HYDIN: variants seen among roughly 807,000 people sequenced by gnomAD.
HYDIN encodes the protein axonemal central pair apparatus protein HYDIN.
Under a neutral mutation model 403.9 loss-of-function variants are expected in HYDIN, and 132 were observed. The observed-to-expected ratio is 0.33, with a 90% CI of 0.28 to 0.38. The LOEUF is 0.38. HYDIN is among the 10% of genes least tolerant of loss of function. HYDIN has a pLI of 1.00. For synonymous variants in HYDIN, 1,202 were observed against 1,891.7 expected, an observed-to-expected ratio of 0.64 and a Z score of 9.46; for missense variants, 2,827 against 5,009.5, an observed-to-expected ratio of 0.56 and a Z score of 13.15.
chr16:70,944,327 G>A (rs1336938058), intron 41 of HYDIN, among the ~76,000 whole-genome samples: 26 of 152,224 alleles, frequency 1.7e-4, no homozygotes, highest in Admixed American at 1.7e-3. Flanking sequence ...AGAGAGAAAA[G>A]GCCACCTTCC....
chr16:71,093,964 C>T, intron 10 of HYDIN, 29 bp from the exon 11 acceptor site: 1 of 1,609,700 alleles, frequency 6.2e-7, no homozygotes. Flanking sequence ...CTTTATCATC[C>T]AAATGGTGCT....
At chr16:71,215,301 GGGA>G (rs2088823160) in intron 1 of HYDIN, among the ~76,000 whole-genome samples, 1 of 151,916 alleles carries the variant, frequency 6.6e-6, no homozygotes, top group Non-Finnish European at 1.5e-5. Flanking sequence ...GAAAGAGGAA[GGGA>G]GGAGAATTCA....
In HYDIN at chr16:70,862,152, A is replaced by G. The variant is rs1319549707; in HGVS notation, c.11673T>C (p.Ser3891=). The change falls in exon 69 of 86, where the codon TCT becomes TCC. Residue 3891 remains serine (S), a synonymous_variant. Transcript: ENST00000393567. ...GCACGATTCCCGAAGAGGGCTCCAC[A>G]GAGAAGGGCTGTGGGGAACCCTCGG... The part of the protein sequence containing the change: ...HWAEGSPQPF[S]VEPSSGIVPV... 1.2e-6 allele frequency: 2 copies of G among 1,612,522 alleles called. No homozygotes were observed. The highest frequency in any genetic ancestry group is 2.7e-5 in the African/African-American group (2 of 74,928).
intron 9 of HYDIN, among the ~76,000 whole-genome samples, chr16:71,119,847 T>C (rs1412290285): frequency 1.3e-5 from 2 of 150,998 alleles, no homozygotes; most frequent in Non-Finnish European, 2.9e-5. Context: ...GCCTCAACTT[T>C]AGACCCCACT....
intron 18 of HYDIN, among the ~76,000 whole-genome samples, chr16:71,042,469 T>A (rs2081314999): frequency 6.6e-6 from 1 of 152,176 alleles, no homozygotes; most frequent in African/African-American, 2.4e-5. Context: ...TCTCTCTCTC[T>A]CTCTCTCTTT....
intron 23 of HYDIN, among the ~76,000 whole-genome samples, chr16:71,001,914 T>C (rs747403812): frequency 6.6e-6 from 1 of 152,262 alleles, no homozygotes; most frequent in Admixed American, 6.5e-5. Context: ...TATGTAATGG[T>C]GTCTAGTTGT....
At chr16:70,839,937 C>T in intron 76 of HYDIN, 127 bp downstream of exon 76, 1 of 608,316 alleles carries the variant, frequency 1.6e-6, no homozygotes, top group South Asian at 2.0e-5. Flanking sequence ...TTCATACCCA[C>T]TTTTGTTTGA....
At chr16:70,906,891 C>G (rs1200823687) in intron 50 of HYDIN, among the ~76,000 whole-genome samples, 1 of 152,228 alleles carries the variant, frequency 6.6e-6, no homozygotes, top group Non-Finnish European at 1.5e-5. Context: ...AGCGCTAGCT[C>G]TCTTTCTCAT....
Position 71,093,812 on chromosome 16 carries a change from C to T in HYDIN, c.1446+5G>A. 1 of 1,612,502 alleles carries T rather than the reference C, an allele frequency of 6.2e-7. No individual in the cohort carries two copies. Among genetic ancestry groups the T allele is most frequent in the Non-Finnish European group, 8.5e-7 (1 of 1,179,146 alleles). On this transcript the variant is annotated splice_donor_5th_base_variant and intron_variant, in intron 11 of 85. Transcript: ENST00000393567. ...GAAGTATCAACGAACAACTCTAGTG[C>T]TTACCTCATAACAATGTGCAGATCC... is the stretch of plus-strand genomic sequence containing the variant.
chr16:71,168,790 C>A (rs1472884763), intron 5 of HYDIN, among the ~76,000 whole-genome samples: 1 of 152,152 alleles, frequency 6.6e-6, no homozygotes, highest in African/African-American at 2.4e-5. Context: ...GAGTCCTACT[C>A]ACATCTCATT....
At chr16:70,979,968 A>T (rs2078998836) in intron 29 of HYDIN, among the ~76,000 whole-genome samples, 2 of 152,064 alleles carry the variant, frequency 1.3e-5, no homozygotes, top group South Asian at 4.2e-4. Flanking sequence ...TTATAAAACA[A>T]TAGGAAATGC....
Position 70,843,505 on chromosome 16 carries a change from G to A in HYDIN, c.12874-3272C>T, listed in dbSNP as rs1466803915. On this transcript the variant is annotated intron_variant, in intron 75 of 85. Transcript: ENST00000393567. The stretch of plus-strand genomic sequence containing the variant: ...GTGAATAATGCTGCAATAAACATAC[G>A]TGTGCGTGTGTCTTTATAGCAGCAT... 7.2e-5 allele frequency among the ~76,000 whole-genome samples: 10 copies of A among 139,156 alleles called. 1 individual carries two copies. Among genetic ancestry groups the A allele is most frequent in the East Asian group, 2.0e-4 (1 of 4,966 alleles). The allele number at this position is 139,156 out of a possible 152,430, so 91.3% of individuals were successfully genotyped here.
chr16:71,206,722 A>G (rs1429030930), intron 1 of HYDIN, among the ~76,000 whole-genome samples: 1 of 152,256 alleles, frequency 6.6e-6, no homozygotes, highest in Admixed American at 6.5e-5. Context: ...CCAGTATAGA[A>G]AAGAATGTAA....
intron 8 of HYDIN, among the ~76,000 whole-genome samples, chr16:71,130,697 C>T (rs2084678072): frequency 6.6e-6 from 1 of 151,280 alleles, no homozygotes; most frequent in Non-Finnish European, 1.5e-5. Context: ...ACCTTGTTAG[C>T]CAGGATGGTC....
intron 8 of HYDIN, among the ~76,000 whole-genome samples, chr16:71,133,955 C>T (rs1989996): frequency 1.3e-3 from 187 of 139,852 alleles, no homozygotes; most frequent in East Asian, 6.5e-3. Context: ...CGGGGAGGAA[C>T]GTCATTGCCC....
intron 18 of HYDIN, among the ~76,000 whole-genome samples, chr16:71,056,840 T>C (rs1320971386): frequency 1.9e-4 from 27 of 140,960 alleles, no homozygotes; most frequent in Non-Finnish European, 4.0e-4. Flanking sequence ...GTACGTCAAG[T>C]TGAAATTTTT....
chr16:70,811,053 T>C (rs1235906965), intron 84 of HYDIN, among the ~76,000 whole-genome samples: 4 of 152,300 alleles, frequency 2.6e-5, no homozygotes, highest in Middle Eastern at 3.4e-3. Flanking sequence ...TCTGGAGACT[T>C]ATTTTCAATT....
At chr16:70,964,266 A>G (rs2078505516) in intron 37 of HYDIN, among the ~76,000 whole-genome samples, 1 of 149,564 alleles carries the variant, frequency 6.7e-6, no homozygotes, top group Non-Finnish European at 1.5e-5. Flanking sequence ...TTAGGGCACC[A>G]GTTTCTACCT....
chr16:70,813,535 C>G (rs1156525277), intron 84 of HYDIN, among the ~76,000 whole-genome samples: 1 of 150,722 alleles, frequency 6.6e-6, no homozygotes, highest in Non-Finnish European at 1.5e-5. Flanking sequence ...GGCCAAGGTG[C>G]TGCTCTTAAA....
Sources: allele counts gnomAD v4.1 joint callset (sites outside exome capture counted in the v4.1 genomes callset), GRCh38; gene constraint gnomAD v4.1.1; transcripts MANE v1.5; gene names NCBI Gene and HGNC (gene_info 2026-07-23, HGNC 2026-07-21).